Variants in LYPLA1 observed in about 807,000 individuals in gnomAD.
LYPLA1 encodes lysophospholipase 1, also known as acyl-protein thioesterase 1.
A neutral mutation model predicts 34.0 loss-of-function variants in LYPLA1; 17 were observed. That is an observed-to-expected ratio of 0.50 (90% CI 0.34 to 0.75). The LOEUF (loss-of-function observed/expected upper bound fraction) is 0.75. Among genes scored for constraint, LYPLA1 ranks in the 30% least tolerant of loss-of-function variants. The probability of loss-of-function intolerance (pLI) is 0.01; values close to 1 mark genes in which losing one functional copy is unlikely to be tolerated. For synonymous variants in LYPLA1, 98 were observed against 100.8 expected, an observed-to-expected ratio of 0.97 and a Z score of 0.17; for missense variants, 203 against 288.8, an observed-to-expected ratio of 0.70 and a Z score of 2.15.
At position 54,072,175 on chromosome 8, in the gene LYPLA1, G is replaced by A. The variant is rs1807524296; in HGVS notation, c.102-6362C>T. 2.6e-5 allele frequency among the ~76,000 whole-genome samples: 4 copies of A among 152,074 alleles called. No homozygotes were observed. The South Asian group carries it at 8.3e-4, about 32-fold the overall frequency. The stretch of plus-strand genomic sequence containing the variant: ...TCAATAAAAAGTGCCAGGATAACTG[G>A]GTGACCATATGCAGATGATAGAAAC... On this transcript the variant is annotated intron_variant, in intron 2 of 8. Coordinates refer to ENST00000316963, the MANE Select transcript of LYPLA1 (RefSeq NM_006330.4).
downstream of LYPLA1, chr8:54,045,636 G>A (rs978461285): frequency 4.6e-5 from 7 of 152,194 alleles, no homozygotes; most frequent in Non-Finnish European, 8.8e-5. Flanking sequence ...AGCAGAAAGC[G>A]AAGGACTGCT....
intron 2 of LYPLA1, among the ~76,000 whole-genome samples, chr8:54,098,222 CA>C (rs553877469): frequency 1.1e-4 from 16 of 143,014 alleles, no homozygotes; most frequent in South Asian, 4.4e-4. Flanking sequence ...GACTCTGTCT[CA>C]AAAAAAAAAG....
intron 2 of LYPLA1, among the ~76,000 whole-genome samples, chr8:54,091,550 AG>A (rs1344467262): frequency 2.2e-5 from 3 of 135,290 alleles, no homozygotes; most frequent in African/African-American, 8.7e-5. Flanking sequence ...AGAAAAGAAA[AG>A]AAGAAAGGAA....
intron 2 of LYPLA1, among the ~76,000 whole-genome samples, chr8:54,077,913 G>A (rs1055213608): frequency 6.6e-6 from 1 of 152,054 alleles, no homozygotes; most frequent in African/African-American, 2.4e-5. Context: ...CATGTTGATG[G>A]TTTCATGGGT....
At chr8:54,089,791 T>G (rs1809084811) in intron 2 of LYPLA1, among the ~76,000 whole-genome samples, 1 of 152,248 alleles carries the variant, frequency 6.6e-6, no homozygotes, top group African/African-American at 2.4e-5. Flanking sequence ...GGCTGGCCAA[T>G]TTTTTGTATT....
At chr8:54,085,910 G>A (rs1319268006) in intron 2 of LYPLA1, among the ~76,000 whole-genome samples, 4 of 152,026 alleles carry the variant, frequency 2.6e-5, no homozygotes, top group African/African-American at 9.7e-5. Flanking sequence ...CCCTCTGCCC[G>A]GCCTCCACCC....
chr8:54,059,661 G>C (rs1290872154), intron 5 of LYPLA1, among the ~76,000 whole-genome samples: 1 of 152,240 alleles, frequency 6.6e-6, no homozygotes, highest in Non-Finnish European at 1.5e-5. Flanking sequence ...GCTGCGCTCA[G>C]TGGCTCATGC....
chr8:54,080,933 T>G (rs897101669), intron 2 of LYPLA1, among the ~76,000 whole-genome samples: 4 of 152,214 alleles, frequency 2.6e-5, no homozygotes, highest in African/African-American at 9.6e-5. Context: ...ATTAATACAA[T>G]AAAACATTGG....
At chr8:54,081,108 C>T (rs780483599) in intron 2 of LYPLA1, among the ~76,000 whole-genome samples, 4 of 152,148 alleles carry the variant, frequency 2.6e-5, no homozygotes, top group Non-Finnish European at 4.4e-5. Flanking sequence ...TTTTGCTGTA[C>T]TCACTAGTTT....
At chr8:54,062,657 G>A (rs1806742649) in intron 4 of LYPLA1, among the ~76,000 whole-genome samples, 1 of 152,072 alleles carries the variant, frequency 6.6e-6, no homozygotes, top group South Asian at 2.1e-4. Flanking sequence ...TACTACAGGT[G>A]CATGCCACCA....
intron 5 of LYPLA1, among the ~76,000 whole-genome samples, chr8:54,055,887 C>A (rs972283980): frequency 2.0e-5 from 3 of 152,050 alleles, no homozygotes; most frequent in Non-Finnish European, 1.5e-5. Flanking sequence ...GAGATCCGCC[C>A]GCCTCGGCCT....
chr8:54,079,039 G>A (rs543403514), intron 2 of LYPLA1, among the ~76,000 whole-genome samples: 3 of 152,172 alleles, frequency 2.0e-5, no homozygotes, highest in Middle Eastern at 3.4e-3. Flanking sequence ...AGGCTGGAGT[G>A]CAGGGATGGC....
At chr8:54,074,818 C>T (rs1807770172) in intron 2 of LYPLA1, among the ~76,000 whole-genome samples, 1 of 152,204 alleles carries the variant, frequency 6.6e-6, no homozygotes, top group Non-Finnish European at 1.5e-5. Context: ...AGCTTATGTA[C>T]ATGTATGTGT....
chr8:54,062,488 A>ATTTATTTAT (rs1563586497), intron 4 of LYPLA1, among the ~76,000 whole-genome samples, 164 bp from the exon 5 acceptor site: 1 of 136,106 alleles, frequency 7.3e-6, no homozygotes, highest in Non-Finnish European at 1.6e-5. Flanking sequence ...ACGAAGTCTC[A>ATTTATTTAT]CTATTTATTT....
rs144601018 is a variant in LYPLA1, at chr8:54,061,768, C to T, written c.286+486G>A. On this transcript the variant is annotated intron_variant, in intron 5 of 8. Transcript: ENST00000316963. ...CTGCATTCCAGGCTAGGTGACACAG[C>T]AAGACCCTCTCTGGGGGGCAGGGGG... 6.3e-4 allele frequency among the ~76,000 whole-genome samples: 96 copies of T among 152,244 alleles called. No individual in the cohort carries two copies. In the East Asian group the frequency reaches 0.017, roughly 26 times the overall value.
At chr8:54,068,498 A>G (rs1807243534) in intron 2 of LYPLA1, among the ~76,000 whole-genome samples, 1 of 152,246 alleles carries the variant, frequency 6.6e-6, no homozygotes, top group South Asian at 2.1e-4. Context: ...AAAGACTAGT[A>G]CTAGAGTACA....
chr8:54,053,386 G>C (rs2129325216), intron 6 of LYPLA1: 1 of 318,806 alleles, frequency 3.1e-6, no homozygotes, highest in Admixed American at 3.8e-5. Flanking sequence ...GAGCCACCGT[G>C]CCTGGCCCTT....
At chr8:54,055,877 G>A (rs941754669) in intron 5 of LYPLA1, among the ~76,000 whole-genome samples, 5 of 151,970 alleles carry the variant, frequency 3.3e-5, no homozygotes, top group Non-Finnish European at 5.9e-5. Context: ...TCCTGAACTC[G>A]AGATCCGCCC....
chr8:54,101,767 CT>C lies in LYPLA1; in HGVS notation c.56del (p.Lys19ArgfsTer6), dbSNP rs1286398907. On this transcript the variant is annotated frameshift_variant, in exon 1 of 9. Coordinates refer to ENST00000316963, the MANE Select transcript of LYPLA1 (RefSeq NM_006330.4). LOFTEE classifies it high-confidence loss of function. Reference protein sequence around the residue: ...PLPAIVPAARKATAAVIFLHG... With the variant: ...PLPAIVPAARXATAAVIFLHG... Reference sequence around the variant, plus strand: ...CTACGCCACTCACCGCAGCGGTGGCCTTCCGGGCGGCGGGCACGATGGCGGG... The same window carrying C: ...CTACGCCACTCACCGCAGCGGTGGCCTCCGGGCGGCGGGCACGATGGCGGG... 2 of 1,301,352 alleles carry C rather than the reference CT, an allele frequency of 1.5e-6. No homozygotes were observed. The highest frequency in any genetic ancestry group is 2.0e-6 in the Non-Finnish European group (2 of 1,016,720). The allele number at this position is 1,301,352 out of a possible 1,614,324, so 80.6% of individuals were successfully genotyped here.
Sources: allele counts gnomAD v4.1 joint callset (sites outside exome capture counted in the v4.1 genomes callset), GRCh38; gene constraint gnomAD v4.1.1; transcripts MANE v1.5; gene names NCBI Gene and HGNC (gene_info 2026-07-23, HGNC 2026-07-21).